The following ZNF331 variants were observed in gnomAD, a reference collection of about 807,000 sequenced individuals.
ZNF331 encodes the protein C2H2-like zinc finger protein rearranged in thyroid adenomas.
ZNF331 carries 2 observed loss-of-function variants against 7.0 expected under a neutral mutation model. The ratio of observed to expected loss-of-function variants is 0.29; its 90% CI spans 0.12 to 0.90. ZNF331 has a LOEUF of 0.90. ZNF331 is among the 40% of genes least tolerant of loss of function. The pLI, the probability that ZNF331 is intolerant of heterozygous loss-of-function variation, is 0.58. For synonymous variants in ZNF331, 196 were observed against 205.4 expected (o/e 0.95, Z 0.39); for missense variants, 432 against 587.7 (o/e 0.74, Z 2.74).
Position 53,559,139 on chromosome 19 carries a change from TACAC to T in ZNF331, c.-74+3237_-74+3240del, listed in dbSNP as rs892384354. Among the ~76,000 whole-genome samples, 3 of 141,402 alleles carry T rather than the reference TACAC, an allele frequency of 2.1e-5. 1 individual carries two copies. Among genetic ancestry groups the T allele is most frequent in the Non-Finnish European group, 4.8e-5 (3 of 62,292 alleles). The allele number at this position is 141,402 out of a possible 152,430, so 92.8% of individuals were successfully genotyped here. On this transcript the variant is annotated intron_variant, in intron 3 of 5. Transcript: ENST00000449416. ...ACCATACATACACACACACCCCATG[TACAC>T]ACACATATACACACCTACATATATA...
chr19:53,540,695 C>T (rs1309332886), intron 2 of ZNF331, among the ~76,000 whole-genome samples: 1 of 52,402 alleles, frequency 1.9e-5, no homozygotes, highest in Non-Finnish European at 4.2e-5. Context: ...CCTCAGCCTC[C>T]CAAAGTGCGG....
chr19:53,523,528 A>G (rs1393553418), intron 2 of ZNF331: 1 of 151,494 alleles, frequency 6.6e-6, no homozygotes, highest in African/African-American at 2.4e-5. Context: ...CTTTGTCCCA[A>G]TTTTTAATCA....
chr19:53,548,423 A>ATT (rs931309705), intron 2 of ZNF331, among the ~76,000 whole-genome samples: 3 of 151,508 alleles, frequency 2.0e-5, no homozygotes, highest in Non-Finnish European at 2.9e-5. Flanking sequence ...TGCCCGACTA[A>ATT]TTTTTCAATT....
intron 5 of ZNF331, among the ~76,000 whole-genome samples, chr19:53,572,545 ATATAT>A (rs2090498201): frequency 9.3e-6 from 1 of 107,512 alleles, no homozygotes; most frequent in African/African-American, 6.1e-5. Flanking sequence ...ACACACACAT[ATATAT>A]TATATATACA....
chr19:53,513,799 G>C, the ZNF331 span, among the ~76,000 whole-genome samples: 1 of 152,172 alleles, frequency 6.6e-6, no homozygotes, highest in African/African-American at 2.4e-5. Context: ...TAGTAGAGAT[G>C]AGGTTTCACC....
At chr19:53,518,539 C>A (rs1047300440), upstream of ZNF331, among the ~76,000 whole-genome samples, 3 of 152,208 alleles carry the variant, frequency 2.0e-5, no homozygotes, top group Non-Finnish European at 4.4e-5. Flanking sequence ...CAAGGCAATT[C>A]TCTTTGGTAC....
intron 2 of ZNF331, among the ~76,000 whole-genome samples, chr19:53,527,515 CAGA>C (rs1183147285): frequency 1.3e-5 from 2 of 152,058 alleles, no homozygotes; most frequent in Admixed American, 1.3e-4. Flanking sequence ...TGAGGGGTGC[CAGA>C]AGAAGAGAAA....
the ZNF331 span, among the ~76,000 whole-genome samples, chr19:53,508,732 G>A: frequency 1.3e-5 from 2 of 152,172 alleles, no homozygotes; most frequent in Non-Finnish European, 2.9e-5. Flanking sequence ...CTTTGCCCAC[G>A]ATGAGTGGCA....
At chr19:53,507,047 A>G in the ZNF331 span, among the ~76,000 whole-genome samples, 1 of 152,168 alleles carries the variant, frequency 6.6e-6, no homozygotes, top group East Asian at 1.9e-4. Flanking sequence ...TAACTGACAG[A>G]ACCCAAAGAA....
At chr19:53,506,253 T>G in the ZNF331 span, among the ~76,000 whole-genome samples, 16 of 117,690 alleles carry the variant, frequency 1.4e-4, no homozygotes, top group East Asian at 2.1e-3. Flanking sequence ...GAGAATGGCG[T>G]GAACCCGGGA....
intron 2 of ZNF331, among the ~76,000 whole-genome samples, chr19:53,527,598 A>C (rs1489063300): frequency 1.3e-5 from 2 of 151,898 alleles, no homozygotes; most frequent in Non-Finnish European, 2.9e-5. Flanking sequence ...CCTGTCTCCC[A>C]CTCCCCCACT....
chr19:53,566,686 C>G (rs2090172234), intron 3 of ZNF331, among the ~76,000 whole-genome samples: 1 of 152,156 alleles, frequency 6.6e-6, no homozygotes, highest in Non-Finnish European at 1.5e-5. Flanking sequence ...GCCACTCTTA[C>G]ACGTGAAAGA....
At chr19:53,534,952 C>CT (rs2087684889), upstream of ZNF331, among the ~76,000 whole-genome samples, 1 of 136,218 alleles carries the variant, frequency 7.3e-6, no homozygotes, top group African/African-American at 2.8e-5. Context: ...CCTTACTAAT[C>CT]TTTTTTTAAA....
At chr19:53,564,293 T>G (rs2090052790) in intron 3 of ZNF331, among the ~76,000 whole-genome samples, 1 of 151,994 alleles carries the variant, frequency 6.6e-6, no homozygotes, top group Non-Finnish European at 1.5e-5. Flanking sequence ...TATTTTATTT[T>G]TTTTGAGATG....
intron 3 of ZNF331, among the ~76,000 whole-genome samples, chr19:53,556,700 T>G (rs1205094266): frequency 6.6e-6 from 1 of 152,046 alleles, no homozygotes; most frequent in Admixed American, 6.6e-5. Flanking sequence ...TGCGGTGGTG[T>G]GATCATAGCT....
At chr19:53,506,482 GTCTGTCTCTCTCTCTCTC>G in the ZNF331 span, among the ~76,000 whole-genome samples, 85 of 57,706 alleles carry the variant, frequency 1.5e-3, no homozygotes, top group African/African-American at 5.7e-3. Context: ...CTCTCTCTCT[GTCTGTCTCTCTCTCTCTC>G]TCTCTCTGTC....
At chr19:53,526,630 G>T (rs1411694878) in intron 2 of ZNF331, among the ~76,000 whole-genome samples, 1 of 151,280 alleles carries the variant, frequency 6.6e-6, no homozygotes, top group Non-Finnish European at 1.5e-5. Flanking sequence ...TTGGCTCACT[G>T]CAAGCTCCGC....
chr19:53,559,178 CAT>C (rs1451678237), intron 3 of ZNF331, among the ~76,000 whole-genome samples: 3 of 142,378 alleles, frequency 2.1e-5, no homozygotes, highest in African/African-American at 7.5e-5. Flanking sequence ...ACACACCATA[CAT>C]ATACAAACAC....
Position 53,562,341 on chromosome 19 carries a change from G to T in ZNF331, c.-74+6433G>T, listed in dbSNP as rs1240443185. 2.6e-5 allele frequency among the ~76,000 whole-genome samples: 4 copies of T among 151,978 alleles called. No individual in the cohort carries two copies. The South Asian group carries it at 6.2e-4, about 24-fold the overall frequency. ...AACATTTGCAAGATAAAATAATGAG[G>T]TGATAAGATGGCAATAGTTAAAAAT... On this transcript the variant is annotated intron_variant, in intron 3 of 5. Coordinates refer to ENST00000449416, the MANE Select transcript of ZNF331 (RefSeq NM_001079906.2).
Sources: gnomAD v4.1 joint callset for allele counts (sites outside exome capture counted in the v4.1 genomes callset) on GRCh38, gnomAD v4.1.1 for gene constraint, MANE v1.5 for transcripts, NCBI Gene and HGNC (gene_info 2026-07-23, HGNC 2026-07-21) for gene names.